Variants in SEMA3E observed in about 807,000 individuals in gnomAD.
SEMA3E encodes semaphorin-3E.
Under a neutral mutation model 93.6 loss-of-function variants are expected in SEMA3E, and 49 were observed. That is an observed-to-expected ratio of 0.52 (90% confidence interval 0.42 to 0.66). The LOEUF (loss-of-function observed/expected upper bound fraction) is 0.66. Among genes scored for constraint, SEMA3E ranks in the 30% least tolerant of loss-of-function variants. SEMA3E has a pLI of 0.00. For synonymous variants in SEMA3E, 363 were observed against 330.7 expected, an observed-to-expected ratio of 1.10 and a Z score of -1.06; for missense variants, 906 against 964.8, an observed-to-expected ratio of 0.94 and a Z score of 0.81.
At chr7:83,434,178 C>A in intron 4 of SEMA3E, among the ~76,000 whole-genome samples, 1 of 152,014 alleles carries the variant, frequency 6.6e-6, no homozygotes, top group Non-Finnish European at 1.5e-5. Context: ...GTCAAATGAA[C>A]ACCTAAATAA....
intron 4 of SEMA3E, among the ~76,000 whole-genome samples, chr7:83,442,344 A>T (rs530294129): frequency 2.0e-5 from 3 of 152,214 alleles, no homozygotes; most frequent in Middle Eastern, 3.4e-3. Context: ...AGGTTTGCTG[A>T]TTTTTATTTA....
chr7:83,555,116 A>G (rs1791860362), intron 1 of SEMA3E, among the ~76,000 whole-genome samples: 1 of 152,180 alleles, frequency 6.6e-6, no homozygotes, highest in Non-Finnish European at 1.5e-5. Context: ...CTTGAATTTC[A>G]TTAAGTACTG....
intron 4 of SEMA3E, among the ~76,000 whole-genome samples, chr7:83,453,395 C>A (rs375183501): frequency 1.4e-5 from 2 of 145,750 alleles, no homozygotes; most frequent in African/African-American, 5.0e-5. Flanking sequence ...AACTCCAATG[C>A]GTAAAATAAT....
chr7:83,465,355 T>C (rs1451883440), intron 4 of SEMA3E, among the ~76,000 whole-genome samples: 3 of 152,172 alleles, frequency 2.0e-5, no homozygotes, highest in African/African-American at 7.2e-5. Flanking sequence ...AAAGCCTGTT[T>C]GGTGGTCTCT....
chr7:83,402,068 T>C lies in SEMA3E; in HGVS notation c.1143+564A>G, dbSNP rs368657446. 8.5e-5 allele frequency among the ~76,000 whole-genome samples: 13 copies of C among 152,152 alleles called. No individual in the cohort carries two copies. In the East Asian group the frequency reaches 1.4e-3, roughly 16 times the overall value. ...GAACCTTTGTACTCTAGCAATACTTTTGTATTGGCATTTCTTTCCTAAGGG... is the reference window on the plus strand; with the variant it reads ...GAACCTTTGTACTCTAGCAATACTTCTGTATTGGCATTTCTTTCCTAAGGG... On this transcript the variant is annotated intron_variant, in intron 10 of 16. Coordinates refer to ENST00000643230, the MANE Select transcript of SEMA3E (RefSeq NM_012431.3).
intron 2 of SEMA3E, among the ~76,000 whole-genome samples, chr7:83,473,532 T>C (rs575894084): frequency 2.2e-4 from 33 of 152,376 alleles, no homozygotes; most frequent in African/African-American, 7.5e-4. Flanking sequence ...GTATTTTTTA[T>C]TTAGTGGCAA....
At chr7:83,621,094 T>C (rs1158637889) in intron 1 of SEMA3E, among the ~76,000 whole-genome samples, 2 of 152,002 alleles carry the variant, frequency 1.3e-5, no homozygotes, top group East Asian at 3.9e-4. Flanking sequence ...ATCTAGACAA[T>C]CCTACCATCT....
chr7:83,376,149 T>C (rs1422424496), intron 16 of SEMA3E, among the ~76,000 whole-genome samples: 1 of 151,954 alleles, frequency 6.6e-6, no homozygotes, highest in Non-Finnish European at 1.5e-5. Flanking sequence ...CTTTACATTA[T>C]AAAAACAAGA....
intron 1 of SEMA3E, among the ~76,000 whole-genome samples, chr7:83,635,189 T>A (rs1415740654): frequency 2.0e-5 from 3 of 151,744 alleles, no homozygotes; most frequent in African/African-American, 7.3e-5. Flanking sequence ...TTTGCTTTTA[T>A]TATATTATTT....
intron 1 of SEMA3E, among the ~76,000 whole-genome samples, chr7:83,507,984 G>C (rs1790738886): frequency 6.6e-6 from 1 of 151,790 alleles, no homozygotes; most frequent in South Asian, 2.1e-4. Context: ...ATAATATCAA[G>C]AAATGAGCAT....
At chr7:83,438,120 G>T (rs2247220) in intron 4 of SEMA3E, among the ~76,000 whole-genome samples, 110,014 of 151,950 alleles carry the variant, frequency 0.72, 40,837 homozygotes, top group East Asian at 1. Flanking sequence ...GGCAGTCTTC[G>T]TATGAATGTA....
intron 1 of SEMA3E, among the ~76,000 whole-genome samples, chr7:83,494,694 G>A (rs112534611): frequency 1.3e-5 from 2 of 151,978 alleles, no homozygotes; most frequent in African/African-American, 4.8e-5. Context: ...TAATGCCACC[G>A]CTTCACTGTA....
intron 1 of SEMA3E, among the ~76,000 whole-genome samples, chr7:83,538,378 A>G (rs1480236412): frequency 6.6e-6 from 1 of 152,164 alleles, no homozygotes; most frequent in Non-Finnish European, 1.5e-5. Context: ...TCTAATGATT[A>G]TAGCAGGCAT....
chr7:83,536,300 T>C (rs549275622), intron 1 of SEMA3E, among the ~76,000 whole-genome samples: 1 of 152,190 alleles, frequency 6.6e-6, no homozygotes, highest in African/African-American at 2.4e-5. Flanking sequence ...GGAATGAATT[T>C]AGTTGGCCAG....
intron 1 of SEMA3E, among the ~76,000 whole-genome samples, chr7:83,501,103 T>C (rs1790588963): frequency 6.6e-6 from 1 of 152,220 alleles, no homozygotes; most frequent in Admixed American, 6.5e-5. Flanking sequence ...ACTATTATTT[T>C]ATACATTTAC....
chr7:83,551,377 G>A (rs556971777), intron 1 of SEMA3E, among the ~76,000 whole-genome samples: 1 of 152,138 alleles, frequency 6.6e-6, no homozygotes, highest in Admixed American at 6.6e-5. Context: ...AAAACACATA[G>A]CTGAAAAACA....
chr7:83,625,532 T>A (rs1793652643), intron 1 of SEMA3E, among the ~76,000 whole-genome samples: 1 of 152,070 alleles, frequency 6.6e-6, no homozygotes, highest in Admixed American at 6.6e-5. Context: ...TATAGGAATG[T>A]TTGTGATTTT....
chr7:83,469,169 C>T (rs931594342), intron 3 of SEMA3E, 74 bp downstream of exon 3: 6 of 1,234,714 alleles, frequency 4.9e-6, no homozygotes, highest in Non-Finnish European at 7.1e-6. Flanking sequence ...ATAAAAATTT[C>T]AGTGATTCAG....
chr7:83,466,817 C>T (rs570935443), intron 3 of SEMA3E, among the ~76,000 whole-genome samples: 70 of 152,198 alleles, frequency 4.6e-4, no homozygotes, highest in African/African-American at 1.6e-3. Flanking sequence ...GTGTAAATTA[C>T]ATTTTATAAT....
Sources: allele counts gnomAD v4.1 joint callset (sites outside exome capture counted in the v4.1 genomes callset), GRCh38; gene constraint gnomAD v4.1.1; transcripts MANE v1.5; gene names NCBI Gene and HGNC (gene_info 2026-07-23, HGNC 2026-07-21).